The following PCDHB14 variants were observed in gnomAD, a reference collection of about 807,000 sequenced individuals.
The protein encoded by PCDHB14 is protocadherin beta 14, also known as protocadherin beta-14.
For synonymous variants in PCDHB14, 511 were observed against 441.5 expected (o/e 1.16, Z -1.97); for missense variants, 1,129 against 1,000.5 (o/e 1.13, Z -1.73).
chr5:141,225,991 C>T lies in PCDHB14; in HGVS notation c.*89C>T, dbSNP rs1754853559. On this transcript the variant is annotated 3_prime_UTR_variant, in exon 1 of 1. Transcript: ENST00000239449. ...AATCTTTTGTGGATTCTTGGTTGTACTGTAGTTGCATGCATGATTATAGCT... is the reference window on the plus strand; with the variant it reads ...AATCTTTTGTGGATTCTTGGTTGTATTGTAGTTGCATGCATGATTATAGCT... 6 of 1,206,658 alleles carry T rather than the reference C, an allele frequency of 5.0e-6. No homozygotes were observed. Among genetic ancestry groups the T allele is most frequent in the Admixed American group, 2.2e-5 (1 of 45,384 alleles). 74.7% of individuals were successfully genotyped at this position (1,206,658 alleles called of 1,614,324 possible).
At position 141,224,076 on chromosome 5, in the gene PCDHB14, T is replaced by A. The variant is rs148872243; in HGVS notation, c.571T>A (p.Tyr191Asn). Residue 191 changes from tyrosine (Y) to asparagine (N), a missense_variant, in exon 1 of 1, where the codon TAC becomes AAC. Coordinates refer to ENST00000239449, the MANE Select transcript of PCDHB14 (RefSeq NM_018934.4). Reference sequence around the variant, plus strand: ...TCCCGACAGTAGTGACAGAAAGATATACCCAGAGCTGGTCCTAGATAGAGC... The same window carrying A: ...TCCCGACAGTAGTGACAGAAAGATAAACCCAGAGCTGGTCCTAGATAGAGC... Reference protein sequence around the residue: ...KIPDSSDRKIYPELVLDRALD... With the variant: ...KIPDSSDRKINPELVLDRALD... The A allele has an allele frequency of 6.2e-7, 1 of 1,613,986 alleles. No homozygotes were observed. Among genetic ancestry groups the A allele is most frequent in the East Asian group, 2.2e-5 (1 of 44,874 alleles).
At position 141,223,991 on chromosome 5, in the gene PCDHB14, C is replaced by G; in HGVS notation, c.486C>G (p.Val162=). Reference sequence around the variant, plus strand: ...TGGAGAGTGCTCAAGATTTGGATGTCGGAAGCAACAGTCTCCAAAACTACA... The same window carrying G: ...TGGAGAGTGCTCAAGATTTGGATGTGGGAAGCAACAGTCTCCAAAACTACA... The part of the protein sequence containing the change: ...FLMESAQDLD[V]GSNSLQNYTI... The change falls in exon 1 of 1, where the codon GTC becomes GTG. Residue 162 remains valine, a synonymous_variant. Coordinates refer to ENST00000239449, the MANE Select transcript of PCDHB14 (RefSeq NM_018934.4). 6.2e-7 allele frequency: 1 copy of G among 1,613,238 alleles called. No homozygotes were observed. Among genetic ancestry groups the G allele is most frequent in the South Asian group, 1.1e-5 (1 of 90,868 alleles).
chr5:141,223,676 G>A lies in PCDHB14; in HGVS notation c.171G>A (p.Glu57=), dbSNP rs7713000. The change falls in exon 1 of 1, where the codon GAG becomes GAA. Residue 57 remains glutamate (E), a synonymous_variant. Coordinates refer to ENST00000239449, the MANE Select transcript of PCDHB14 (RefSeq NM_018934.4). ...NLARDLGLGV[E]ELSSREARVV... ...CGAGGGACCTAGGGCTGGGGGTGGA[G>A]GAGCTGTCTTCACGTGAAGCCCGGG... 5,584 of 1,614,100 alleles carry A rather than the reference G, an allele frequency of 3.5e-3. 170 individuals carry two copies. In the African/African-American group the frequency reaches 0.067, roughly 19 times the overall value.
At position 141,225,175 on chromosome 5, in the gene PCDHB14, A is replaced by G; in HGVS notation, c.1670A>G (p.Asn557Ser). 2 of 1,610,160 alleles carry G rather than the reference A, an allele frequency of 1.2e-6. No homozygotes were observed. Among genetic ancestry groups the G allele is most frequent in the Middle Eastern group, 4.5e-4 (2 of 4,428 alleles). The change falls in exon 1 of 1, where the codon AAC becomes AGC. Residue 557 changes from asparagine (N) to serine (S), a missense_variant. Transcript: ENST00000239449. The part of the protein sequence containing the change: ...VRVLVLDAND[N>S]SPFVLYPLQN... The stretch of plus-strand genomic sequence containing the variant: ...GTGCTGGTGCTGGACGCCAACGACA[A>G]CTCGCCCTTCGTGCTGTACCCGCTG...
At position 141,225,059 on chromosome 5, in the gene PCDHB14, G is replaced by C. The variant is rs562353302; in HGVS notation, c.1554G>C (p.Ser518=). The C allele has an allele frequency of 6.2e-4, 1,005 of 1,612,446 alleles. 8 individuals are homozygous for C. In the South Asian group the frequency reaches 0.011, roughly 17 times the overall value. The change falls in exon 1 of 1, where the codon TCG becomes TCC. Residue 518 remains serine, a synonymous_variant. Coordinates refer to ENST00000239449, the MANE Select transcript of PCDHB14 (RefSeq NM_018934.4). Reference sequence around the variant, plus strand: ...ATGGCCACCTGTTTGCCCTCAGGTCGCTGGACTACGAGGCCCTACAGGAGT... The same window carrying C: ...ATGGCCACCTGTTTGCCCTCAGGTCCCTGGACTACGAGGCCCTACAGGAGT... ...ADNGHLFALR[S]LDYEALQEFE... is the part of the protein sequence containing the mutation.
chr5:141,224,660 T>C lies in PCDHB14; in HGVS notation c.1155T>C (p.Ile385=). ...SGDNGRMICS[I]QDNLPFFLKP... ...ACAATGGGAGGATGATTTGCTCTAT[T>C]CAAGATAACCTCCCTTTTTTCCTGA... Residue 385 remains isoleucine, a synonymous_variant, in exon 1 of 1, where the codon ATT becomes ATC. Transcript: ENST00000239449. The C allele has an allele frequency of 6.2e-7, 1 of 1,614,148 alleles. No individual in the cohort carries two copies. The highest frequency in any genetic ancestry group is 8.5e-7 in the Non-Finnish European group (1 of 1,180,038).
rs782498060 is a variant in PCDHB14 at position 141,225,457 on chromosome 5, C to T, written c.1952C>T (p.Pro651Leu). 12 of 1,603,512 alleles carry T rather than the reference C, an allele frequency of 7.5e-6. No homozygotes were observed. The highest frequency in any genetic ancestry group is 2.2e-4 in the Middle Eastern group (1 of 4,488). The change falls in exon 1 of 1, where the codon CCT (proline) becomes CTT (leucine). Residue 651 changes from proline (P) to leucine (L), a missense_variant. Pro to Leu is a moderately conservative substitution (Grantham distance 98). Coordinates refer to ENST00000239449, the MANE Select transcript of PCDHB14 (RefSeq NM_018934.4). ...CTGGTCAAGGACAATGGCGAGCCTC[C>T]TCGCTCGGCCACCGCCACGCTGCAC... ...VVLVKDNGEPPRSATATLHVL... is the reference protein window; with the variant it reads ...VVLVKDNGEPLRSATATLHVL...
rs373630707 is a variant in PCDHB14 at position 141,225,419 on chromosome 5, C to G, written c.1914C>G (p.His638Gln). 998 of 1,604,670 alleles carry G rather than the reference C, an allele frequency of 6.2e-4. No homozygotes were observed. The South Asian group carries it at 7.5e-3, about 12-fold the overall frequency. Residue 638 changes from histidine (H) to glutamine (Q), a missense_variant, in exon 1 of 1, where the codon CAC becomes CAG. Transcript: ENST00000239449. ...TGAGCGAGCGCGACGCGGCCAAGCACAGGCTGGTGGTGCTGGTCAAGGACA... is the reference window on the plus strand; with the variant it reads ...TGAGCGAGCGCGACGCGGCCAAGCAGAGGCTGGTGGTGCTGGTCAAGGACA... ...RLLSERDAAK[H>Q]RLVVLVKDNG...
At position 141,225,082 on chromosome 5, in the gene PCDHB14, A is replaced by G. The variant is rs782611417; in HGVS notation, c.1577A>G (p.Glu526Gly). 1 of 1,612,162 alleles carries G rather than the reference A, an allele frequency of 6.2e-7. No individual in the cohort carries two copies. The highest frequency in any genetic ancestry group is 2.2e-5 in the East Asian group (1 of 44,880). ...TCGCTGGACTACGAGGCCCTACAGG[A>G]GTTCGAGTTTCGCGTGGGCGCCACA... The part of the protein sequence containing the change: ...LRSLDYEALQ[E>G]FEFRVGATDR... The change falls in exon 1 of 1, where the codon GAG (glutamate) becomes GGG (glycine). Residue 526 changes from glutamate (E) to glycine (G), a missense_variant. Physicochemically the swap from Glu to Gly is moderately conservative, Grantham distance 98. Transcript: ENST00000239449.
At position 141,223,668 on chromosome 5, in the gene PCDHB14, G is replaced by C. The variant is rs1376761457; in HGVS notation, c.163G>C (p.Gly55Arg). 4.3e-6 allele frequency: 7 copies of C among 1,614,008 alleles called. No homozygotes were observed. The East Asian group carries it at 6.7e-5, about 15-fold the overall frequency. Reference protein sequence around the residue: ...VANLARDLGLGVEELSSREAR... With the variant: ...VANLARDLGLRVEELSSREAR... Reference sequence around the variant, plus strand: ...TAATCTAGCGAGGGACCTAGGGCTGGGGGTGGAGGAGCTGTCTTCACGTGA... The same window carrying C: ...TAATCTAGCGAGGGACCTAGGGCTGCGGGTGGAGGAGCTGTCTTCACGTGA... Residue 55 changes from glycine (G) to arginine (R), a missense_variant, in exon 1 of 1, where the codon GGG (glycine) becomes CGG (arginine). Physicochemically the swap from Gly to Arg is moderately radical, Grantham distance 125 (BLOSUM62 -2). Coordinates refer to ENST00000239449, the MANE Select transcript of PCDHB14 (RefSeq NM_018934.4).
Position 141,225,717 on chromosome 5 carries a change from G to A in PCDHB14, c.2212G>A (p.Asp738Asn). Reference protein sequence around the residue: ...PEGPFPGHLVDVSGTGTLSQS... With the variant: ...PEGPFPGHLVNVSGTGTLSQS... ...GGGTCCCTTTCCAGGGCATCTGGTG[G>A]ACGTGAGCGGCACCGGGACCCTGTC... Residue 738 changes from aspartate (D) to asparagine (N), a missense_variant, in exon 1 of 1, where the codon GAC becomes AAC. Transcript: ENST00000239449. 1 of 1,614,234 alleles carries A rather than the reference G, an allele frequency of 6.2e-7. No individual in the cohort carries two copies. Among genetic ancestry groups the A allele is most frequent in the Non-Finnish European group, 8.5e-7 (1 of 1,180,050 alleles).
At position 141,223,991 on chromosome 5, in the gene PCDHB14, C is replaced by T. The variant is rs782638231; in HGVS notation, c.486C>T (p.Val162=). The change falls in exon 1 of 1, where the codon GTC becomes GTT. Residue 162 remains valine (V), a synonymous_variant. Transcript: ENST00000239449. ...TGGAGAGTGCTCAAGATTTGGATGT[C>T]GGAAGCAACAGTCTCCAAAACTACA... is the stretch of plus-strand genomic sequence containing the variant. ...FLMESAQDLD[V]GSNSLQNYTI... The T allele has an allele frequency of 5.0e-6, 8 of 1,613,120 alleles. No homozygotes were observed. In the East Asian group the frequency reaches 1.1e-4, roughly 22 times the overall value.
At position 141,223,859 on chromosome 5, in the gene PCDHB14, G is replaced by T. The variant is rs782185039; in HGVS notation, c.354G>T (p.Arg118=). 19 of 1,612,676 alleles carry T rather than the reference G, an allele frequency of 1.2e-5. No homozygotes were observed. The African/African-American group carries it at 2.3e-4, about 19-fold the overall frequency. Residue 118 remains arginine (R), a synonymous_variant, in exon 1 of 1, where the codon CGG becomes CGT. Transcript: ENST00000239449. The part of the protein sequence containing the change: ...VVLENPLQFF[R]FELCVKDIND... The stretch of plus-strand genomic sequence containing the variant: ...TGGAAAACCCTTTACAGTTTTTTCG[G>T]TTTGAGCTGTGTGTCAAAGACATAA...
Position 141,227,126 on chromosome 5 carries a change from C to G in PCDHB14, c.*1224C>G, listed in dbSNP as rs1754877241. ...GGATTACAGGCATGAGCCATTACGTCTGGCCTAGTTTTCTTTAAATACACC... is the reference window on the plus strand; with the variant it reads ...GGATTACAGGCATGAGCCATTACGTGTGGCCTAGTTTTCTTTAAATACACC... On this transcript the variant is annotated 3_prime_UTR_variant, in exon 1 of 1. Coordinates refer to ENST00000239449, the MANE Select transcript of PCDHB14 (RefSeq NM_018934.4). 6.6e-6 allele frequency: 1 copy of G among 152,220 alleles called. No individual in the cohort carries two copies. Among genetic ancestry groups the G allele is most frequent in the Non-Finnish European group, 1.5e-5 (1 of 68,044 alleles). 9.4% of individuals were successfully genotyped at this position (152,220 alleles called of 1,614,324 possible). A position where few individuals can be genotyped will look rare whatever the true frequency, so the allele number is the denominator to read the frequency against.
In PCDHB14 at chr5:141,225,314, G is replaced by A. The variant is rs781836205; in HGVS notation, c.1809G>A (p.Ser603=). The change falls in exon 1 of 1, where the codon TCG becomes TCA. Residue 603 remains serine, a synonymous_variant. Transcript: ENST00000239449. The part of the protein sequence containing the change: ...DGDSGQNAWL[S]YQLLKATEPG... Reference sequence around the variant, plus strand: ...ACTCGGGCCAGAACGCCTGGCTGTCGTACCAGCTGCTCAAGGCCACGGAGC... The same window carrying A: ...ACTCGGGCCAGAACGCCTGGCTGTCATACCAGCTGCTCAAGGCCACGGAGC... 1.1e-5 allele frequency: 18 copies of A among 1,600,370 alleles called. No individual in the cohort carries two copies. Among genetic ancestry groups the A allele is most frequent in the Non-Finnish European group, 1.4e-5 (16 of 1,178,414 alleles).
Position 141,227,220 on chromosome 5 carries a change from G to A in PCDHB14, c.*1318G>A, listed in dbSNP as rs1449581772. The stretch of plus-strand genomic sequence containing the variant: ...AAAATAATTTAGGGTCTTATCCTGG[G>A]TAAAATAGCCTTCCATCAGATGAGT... On this transcript the variant is annotated 3_prime_UTR_variant, in exon 1 of 1. Transcript: ENST00000239449. The A allele has an allele frequency of 2.0e-5, 3 of 152,182 alleles. No individual in the cohort carries two copies. Among genetic ancestry groups the A allele is most frequent in the Non-Finnish European group, 4.4e-5 (3 of 68,040 alleles). The allele number at this position is 152,182 out of a possible 1,614,324, so 9.4% of individuals were successfully genotyped here.
rs1326388516 is a variant in PCDHB14 at position 141,223,866 on chromosome 5, C to T, written c.361C>T (p.Leu121=). The T allele has an allele frequency of 6.2e-7, 1 of 1,612,890 alleles. No individual in the cohort carries two copies. ...CCCTTTACAGTTTTTTCGGTTTGAG[C>T]TGTGTGTCAAAGACATAAATGATCA... The part of the protein sequence containing the change: ...ENPLQFFRFE[L]CVKDINDHSP... Residue 121 remains leucine (L), a synonymous_variant, in exon 1 of 1, where the codon CTG becomes TTG. Coordinates refer to ENST00000239449, the MANE Select transcript of PCDHB14 (RefSeq NM_018934.4).
rs1554289079 is a variant in PCDHB14 at position 141,224,003 on chromosome 5, T to C, written c.498T>C (p.Ser166=). 6.2e-7 allele frequency: 1 copy of C among 1,613,324 alleles called. No individual in the cohort carries two copies. Among genetic ancestry groups the C allele is most frequent in the Non-Finnish European group, 8.5e-7 (1 of 1,179,768 alleles). The change falls in exon 1 of 1, where the codon AGT becomes AGC. Residue 166 remains serine, a synonymous_variant. Coordinates refer to ENST00000239449, the MANE Select transcript of PCDHB14 (RefSeq NM_018934.4). ...SAQDLDVGSN[S]LQNYTISPNS... Reference sequence around the variant, plus strand: ...AAGATTTGGATGTCGGAAGCAACAGTCTCCAAAACTACACAATTAGCCCCA... The same window carrying C: ...AAGATTTGGATGTCGGAAGCAACAGCCTCCAAAACTACACAATTAGCCCCA...
At position 141,223,829 on chromosome 5, in the gene PCDHB14, G is replaced by A. The variant is rs199548868; in HGVS notation, c.324G>A (p.Val108=). 1.6e-5 allele frequency: 26 copies of A among 1,613,470 alleles called. No homozygotes were observed. In the African/African-American group the frequency reaches 2.3e-4, roughly 14 times the overall value. The change falls in exon 1 of 1, where the codon GTG becomes GTA. Residue 108 remains valine, a synonymous_variant. Coordinates refer to ENST00000239449, the MANE Select transcript of PCDHB14 (RefSeq NM_018934.4). ...AGCCCTGTGTGCTGCATTTTCAGGT[G>A]GTTTTGGAAAACCCTTTACAGTTTT... is the stretch of plus-strand genomic sequence containing the variant. ...STEPCVLHFQ[V]VLENPLQFFR...
Sources: allele counts gnomAD v4.1 joint callset, GRCh38; gene constraint gnomAD v4.1.1; transcripts MANE v1.5; gene names NCBI Gene and HGNC (gene_info 2026-07-23, HGNC 2026-07-21).